The following TRDMT1 variants were observed in gnomAD, a reference collection of about 807,000 sequenced individuals.
The protein encoded by TRDMT1 is tRNA aspartic acid methyltransferase 1.
TRDMT1 carries 49 observed loss-of-function variants against 51.2 expected under a neutral mutation model. The ratio of observed to expected loss-of-function variants is 0.96; its 90% CI spans 0.76 to 1.21. The LOEUF (loss-of-function observed/expected upper bound fraction) is 1.21. Ranked by LOEUF, TRDMT1 falls within the 50% of genes most tolerant of loss-of-function variation. The pLI, the probability that TRDMT1 is intolerant of heterozygous loss-of-function variation, is 0.00. For synonymous variants in TRDMT1, 187 were observed against 164.6 expected (o/e 1.14, Z -1.04); for missense variants, 534 against 462.3 (o/e 1.16, Z -1.42).
In TRDMT1 at chr10:17,140,214, A is replaced by ATT. The variant is rs35309958; in HGVS notation, c.*8824_*8825dup. ...CAGGCACATGCCACCACATCCAGCT[A>ATT]TTTTTTTTTTTTTTTTGTACCTTTA... On this transcript the variant is annotated 3_prime_UTR_variant, in exon 11 of 11. Coordinates refer to ENST00000377799, the MANE Select transcript of TRDMT1 (RefSeq NM_004412.7). 3.7e-4 allele frequency among the ~76,000 whole-genome samples: 48 copies of ATT among 131,242 alleles called. 1 individual carries two copies. The East Asian group carries it at 5.0e-3, about 14-fold the overall frequency. 86.1% of individuals were successfully genotyped at this position (131,242 alleles called of 152,430 possible). A position where few individuals can be genotyped will look rare whatever the true frequency, so the allele number is the denominator to read the frequency against.
chr10:17,187,756 T>G (rs1844139138), intron 1 of TRDMT1, among the ~76,000 whole-genome samples: 1 of 152,196 alleles, frequency 6.6e-6, no homozygotes, highest in Non-Finnish European at 1.5e-5. Flanking sequence ...AACAGTTCAC[T>G]GTGCATCTTT....
intron 8 of TRDMT1, 124 bp downstream of exon 8, chr10:17,157,317 A>G (rs1284366667): frequency 1.3e-5 from 12 of 954,204 alleles, no homozygotes; most frequent in East Asian, 1.0e-4. Flanking sequence ...ATTAAGGGAA[A>G]ATACCTCATT....
chr10:17,166,218 T>G (rs1282308187), intron 3 of TRDMT1, among the ~76,000 whole-genome samples: 1 of 151,986 alleles, frequency 6.6e-6, no homozygotes, highest in South Asian at 2.1e-4. Context: ...ATGTCCTTTG[T>G]AGGGACATGG....
At chr10:17,184,279 C>G (rs899401656) in intron 1 of TRDMT1, among the ~76,000 whole-genome samples, 63 of 152,002 alleles carry the variant, frequency 4.1e-4, no homozygotes, top group South Asian at 4.1e-4. Flanking sequence ...GTCCTCTTTA[C>G]TGATGCTTTC....
At chr10:17,195,685 A>G (rs1845310825) in intron 1 of TRDMT1, among the ~76,000 whole-genome samples, 1 of 152,228 alleles carries the variant, frequency 6.6e-6, no homozygotes. Flanking sequence ...AGAAAAGATA[A>G]GTAATTCAAT....
chr10:17,187,350 A>T lies in TRDMT1; in HGVS notation c.65-12690T>A, dbSNP rs563427622. Among the ~76,000 whole-genome samples, 229 of 152,344 alleles carry T rather than the reference A, an allele frequency of 1.5e-3. 1 individual carries two copies. The highest frequency in any genetic ancestry group is 5.3e-3 in the African/African-American group (221 of 41,596). ...ATAACAATTTCACCTAGTAAATTATATGGGTTAACATATTATATTGGCATA... is the reference window on the plus strand; with the variant it reads ...ATAACAATTTCACCTAGTAAATTATTTGGGTTAACATATTATATTGGCATA... On this transcript the variant is annotated intron_variant, in intron 1 of 10. Coordinates refer to ENST00000377799, the MANE Select transcript of TRDMT1 (RefSeq NM_004412.7).
chr10:17,144,282 G>A lies in TRDMT1; in HGVS notation c.*4758C>T. ...CACTCTTATAATTTCAATCTGTCCTGATAAAAATAGAAATCAAAATGCAAA... is the reference window on the plus strand; with the variant it reads ...CACTCTTATAATTTCAATCTGTCCTAATAAAAATAGAAATCAAAATGCAAA... On this transcript the variant is annotated 3_prime_UTR_variant, in exon 11 of 11. Transcript: ENST00000377799. 1 of 985,402 alleles carries A rather than the reference G, an allele frequency of 1.0e-6. No homozygotes were observed. Among genetic ancestry groups the A allele is most frequent in the Non-Finnish European group, 1.2e-6 (1 of 829,890 alleles). The allele number at this position is 985,402 out of a possible 1,614,324, so 61.0% of individuals were successfully genotyped here.
At chr10:17,185,707 C>A (rs12251335) in intron 1 of TRDMT1, among the ~76,000 whole-genome samples, 3,653 of 152,216 alleles carry the variant, frequency 0.024, 134 homozygotes, top group African/African-American at 0.081. Flanking sequence ...CACATATACA[C>A]CACGGAATAC....
At chr10:17,154,595 A>C (rs549793626) in intron 9 of TRDMT1, 82 bp downstream of exon 9, 1 of 1,084,646 alleles carries the variant, frequency 9.2e-7, no homozygotes, top group African/African-American at 1.6e-5. Context: ...TGAATGCATA[A>C]AATTATTCTA....
At chr10:17,155,119 T>G (rs1839321742) in intron 8 of TRDMT1, among the ~76,000 whole-genome samples, 1 of 151,762 alleles carries the variant, frequency 6.6e-6, no homozygotes. Flanking sequence ...GAGGCTGAGG[T>G]AGGAGAATCT....
intron 1 of TRDMT1, among the ~76,000 whole-genome samples, chr10:17,186,775 T>C (rs900269803): frequency 6.6e-6 from 1 of 152,220 alleles, no homozygotes; most frequent in Non-Finnish European, 1.5e-5. Flanking sequence ...TTATGAATGA[T>C]CTGAATGTCC....
chr10:17,144,188 C>T lies in TRDMT1; in HGVS notation c.*4852G>A, dbSNP rs1469186721. On this transcript the variant is annotated 3_prime_UTR_variant, in exon 11 of 11. Coordinates refer to ENST00000377799, the MANE Select transcript of TRDMT1 (RefSeq NM_004412.7). ...TCTCTTTCTCTCTTTCACTCTCATC[C>T]TCTGACCCTCTAGGTGATCTCATCT... 1 of 985,726 alleles carries T rather than the reference C, an allele frequency of 1.0e-6. No homozygotes were observed. Among genetic ancestry groups the T allele is most frequent in the South Asian group, 4.7e-5 (1 of 21,290 alleles). The allele number at this position is 985,726 out of a possible 1,614,324, so 61.1% of individuals were successfully genotyped here.
Position 17,159,133 on chromosome 10 carries a change from C to A in TRDMT1, c.543+13G>T. 1 of 1,527,698 alleles carries A rather than the reference C, an allele frequency of 6.5e-7. No homozygotes were observed. The highest frequency in any genetic ancestry group is 8.8e-7 in the Non-Finnish European group (1 of 1,133,074). 94.6% of individuals were successfully genotyped at this position (1,527,698 alleles called of 1,614,324 possible). A position where few individuals can be genotyped will look rare whatever the true frequency, so the allele number is the denominator to read the frequency against. On this transcript the variant is annotated intron_variant, in intron 7 of 10. Transcript: ENST00000377799. ...AAGCCATAATATTCATAATAAAATTCCAATAATAATACCTGACCAGGGGCT... is the reference window on the plus strand; with the variant it reads ...AAGCCATAATATTCATAATAAAATTACAATAATAATACCTGACCAGGGGCT...
intron 8 of TRDMT1, among the ~76,000 whole-genome samples, chr10:17,155,672 ATT>A (rs1839397818): frequency 6.6e-6 from 1 of 152,196 alleles, no homozygotes; most frequent in South Asian, 2.1e-4. Flanking sequence ...CTCTAAGATT[ATT>A]GCCAAGCTGG....
intron 8 of TRDMT1, among the ~76,000 whole-genome samples, chr10:17,156,051 G>T (rs920883519): frequency 6.6e-6 from 1 of 151,950 alleles, no homozygotes. Context: ...GAAGTACAAG[G>T]GCAGAGTATA....
At position 17,139,253 on chromosome 10, in the gene TRDMT1, A is replaced by G. The variant is rs1564531725; in HGVS notation, c.*9787T>C. 3 of 979,464 alleles carry G rather than the reference A, an allele frequency of 3.1e-6. No homozygotes were observed. Among genetic ancestry groups the G allele is most frequent in the Non-Finnish European group, 3.6e-6 (3 of 824,514 alleles). 60.7% of individuals were successfully genotyped at this position (979,464 alleles called of 1,614,324 possible). ...CTTGGTGACCCCTAAAATTCCCCAA[A>G]CAAGGCGGTGAAGTTAAATATTTAG... On this transcript the variant is annotated 3_prime_UTR_variant, in exon 11 of 11. Transcript: ENST00000377799.
intron 1 of TRDMT1, among the ~76,000 whole-genome samples, chr10:17,182,676 G>A (rs938182688): frequency 2.0e-5 from 3 of 152,056 alleles, no homozygotes; most frequent in Non-Finnish European, 4.4e-5. Context: ...TCTATATATG[G>A]ATACTAAATA....
At chr10:17,200,790 GATA>G (rs1230447143) in intron 1 of TRDMT1, among the ~76,000 whole-genome samples, 7 of 152,112 alleles carry the variant, frequency 4.6e-5, no homozygotes, top group Non-Finnish European at 1.0e-4. Context: ...TAGTTTGCTT[GATA>G]ATATCTCGTG....
chr10:17,193,226 G>A (rs960763911), intron 1 of TRDMT1, among the ~76,000 whole-genome samples: 1 of 152,108 alleles, frequency 6.6e-6, no homozygotes, highest in African/African-American at 2.4e-5. Flanking sequence ...AGCCAGGCAT[G>A]GTGGCGCATG....
Sources: allele counts gnomAD v4.1 joint callset (sites outside exome capture counted in the v4.1 genomes callset), GRCh38; gene constraint gnomAD v4.1.1; transcripts MANE v1.5; gene names NCBI Gene and HGNC (gene_info 2026-07-23, HGNC 2026-07-21).